Variants in FAT3 observed in about 807,000 individuals in gnomAD.
FAT3 encodes protocadherin Fat 3.
Under a neutral mutation model 310.2 loss-of-function variants are expected in FAT3, and 95 were observed. The observed-to-expected ratio is 0.31, with a 90% CI of 0.26 to 0.36. The LOEUF is 0.36. Ranked by LOEUF, FAT3 falls within the 10% of genes least tolerant of loss-of-function variation. FAT3 has a pLI of 1.00. For missense variants in FAT3, 5,408 were observed against 5,715.6 expected (o/e 0.95, Z 1.74); for synonymous variants, 2,314 against 2,192.9 (o/e 1.06, Z -1.54).
intron 2 of FAT3, among the ~76,000 whole-genome samples, chr11:92,370,070 C>CACTCAG (rs1216872127): frequency 6.6e-6 from 1 of 152,190 alleles, no homozygotes; most frequent in Admixed American, 6.5e-5. Context: ...AGAGTTCTTT[C>CACTCAG]ACTCAGACTC....
chr11:92,537,550 G>A (rs1360078114), intron 3 of FAT3, among the ~76,000 whole-genome samples: 1 of 152,048 alleles, frequency 6.6e-6, no homozygotes, highest in African/African-American at 2.4e-5. Context: ...CTCTCTTCCA[G>A]GAATTTATTA....
At chr11:92,380,072 C>CGTGTGTGTGTGT (rs34789717) in intron 2 of FAT3, among the ~76,000 whole-genome samples, 14 of 145,292 alleles carry the variant, frequency 9.6e-5, no homozygotes, top group East Asian at 2.1e-4. Flanking sequence ...CAAACTGATT[C>CGTGTGTGTGTGT]GTGTGTGTGT....
At chr11:92,742,974 A>G (rs1945552061) in intron 4 of FAT3, among the ~76,000 whole-genome samples, 1 of 152,228 alleles carries the variant, frequency 6.6e-6, no homozygotes, top group African/African-American at 2.4e-5. Context: ...GATGGTGTCA[A>G]TACTACAGGA....
At chr11:92,453,784 A>G (rs996982462) in intron 2 of FAT3, among the ~76,000 whole-genome samples, 3 of 152,212 alleles carry the variant, frequency 2.0e-5, no homozygotes, top group Non-Finnish European at 4.4e-5. Flanking sequence ...ATGCAAAACT[A>G]TCAAATAAAT....
chr11:92,306,628 ATT>A (rs1491354790), intron 1 of FAT3, among the ~76,000 whole-genome samples: 4 of 121,902 alleles, frequency 3.3e-5, no homozygotes, highest in African/African-American at 1.3e-4. Flanking sequence ...TTTATATTAT[ATT>A]TATATTATAT....
chr11:92,483,995 A>G lies in FAT3; in HGVS notation c.3293-40639A>G, dbSNP rs1253828641. 2.0e-5 allele frequency among the ~76,000 whole-genome samples: 3 copies of G among 152,214 alleles called. No individual in the cohort carries two copies. The East Asian group carries it at 5.8e-4, about 29-fold the overall frequency. On this transcript the variant is annotated intron_variant, in intron 2 of 27. Coordinates refer to ENST00000525166, the MANE Select transcript of FAT3 (RefSeq NM_001367949.2). ...TGTGGTACACTCACATGAGGGTGCT[A>G]TGTCACATGTCACAATCAGTGTTAA...
At chr11:92,450,588 G>T (rs1951329923) in intron 2 of FAT3, among the ~76,000 whole-genome samples, 1 of 152,134 alleles carries the variant, frequency 6.6e-6, no homozygotes, top group African/African-American at 2.4e-5. Context: ...ATGGAGGAGT[G>T]GGAGGAATGA....
chr11:92,227,249 A>AT (rs2134216157), intron 1 of FAT3, among the ~76,000 whole-genome samples: 1 of 152,324 alleles, frequency 6.6e-6, no homozygotes, highest in East Asian at 1.9e-4. Flanking sequence ...CCCCGACGCT[A>AT]GTCTTTTCAA....
chr11:92,646,703 A>T (rs1942182044), intron 3 of FAT3, among the ~76,000 whole-genome samples: 1 of 152,250 alleles, frequency 6.6e-6, no homozygotes, highest in Admixed American at 6.5e-5. Context: ...CTGGAAGAAT[A>T]GATAAGGTTC....
At chr11:92,871,807 C>T (rs1949401055) in intron 22 of FAT3, among the ~76,000 whole-genome samples, 1 of 152,118 alleles carries the variant, frequency 6.6e-6, no homozygotes, top group Non-Finnish European at 1.5e-5. Context: ...TTTAACAAGC[C>T]TCCAAGGAGT....
intron 1 of FAT3, among the ~76,000 whole-genome samples, chr11:92,274,625 T>G (rs974575603): frequency 6.6e-6 from 1 of 152,124 alleles, no homozygotes; most frequent in Non-Finnish European, 1.5e-5. Flanking sequence ...TGTACAGATA[T>G]TTTTAAACCT....
intron 22 of FAT3, among the ~76,000 whole-genome samples, chr11:92,877,042 A>G (rs1459022086): frequency 1.3e-5 from 2 of 152,202 alleles, no homozygotes; most frequent in Admixed American, 6.5e-5. Context: ...CTATGGAATT[A>G]AAGTTATTTT....
At chr11:92,582,615 G>A (rs574944007) in intron 3 of FAT3, among the ~76,000 whole-genome samples, 82 of 152,040 alleles carry the variant, frequency 5.4e-4, no homozygotes, top group African/African-American at 1.9e-3. Flanking sequence ...TTCCAAAATT[G>A]GACTTCAGAT....
chr11:92,255,814 TAAGTA>T (rs1473701525), intron 1 of FAT3, among the ~76,000 whole-genome samples: 8 of 152,266 alleles, frequency 5.3e-5, no homozygotes, highest in African/African-American at 1.9e-4. Context: ...GCTCTAAAAC[TAAGTA>T]AAGGAAAAAT....
At chr11:92,744,869 A>G (rs1945612568) in intron 4 of FAT3, among the ~76,000 whole-genome samples, 1 of 152,198 alleles carries the variant, frequency 6.6e-6, no homozygotes, top group Non-Finnish European at 1.5e-5. Flanking sequence ...ATTTCTGTAA[A>G]TTGATCTATT....
intron 27 of FAT3, 93 bp downstream of exon 27, chr11:92,889,984 C>A (rs1949879932): frequency 2.8e-6 from 2 of 717,222 alleles, no homozygotes; most frequent in East Asian, 2.7e-5. Context: ...CTGCCCTGAT[C>A]TGAATTTTGC....
chr11:92,689,512 G>A (rs1943736047), intron 3 of FAT3, among the ~76,000 whole-genome samples: 1 of 152,156 alleles, frequency 6.6e-6, no homozygotes. Flanking sequence ...GGCATTCAAG[G>A]TTTAACTTAA....
chr11:92,368,275 T>C (rs1949079393), intron 2 of FAT3, among the ~76,000 whole-genome samples: 3 of 152,158 alleles, frequency 2.0e-5, no homozygotes, highest in South Asian at 4.1e-4. Context: ...TTTAGAACCA[T>C]TTCTCCAAAG....
chr11:92,699,939 G>A (rs1400416266), intron 4 of FAT3, among the ~76,000 whole-genome samples: 1 of 152,124 alleles, frequency 6.6e-6, no homozygotes, highest in Admixed American at 6.5e-5. Context: ...TCCAGGAAAG[G>A]TAGAAGCTCC....
Sources: allele counts gnomAD v4.1 joint callset (sites outside exome capture counted in the v4.1 genomes callset), GRCh38; gene constraint gnomAD v4.1.1; transcripts MANE v1.5; gene names NCBI Gene and HGNC (gene_info 2026-07-23, HGNC 2026-07-21).